HPD: variants seen among roughly 807,000 people sequenced by gnomAD.
The protein encoded by HPD is 4-hydroxyphenylpyruvic acid oxidase.
In HPD, 35 loss-of-function variants were observed where a neutral mutation model predicts 56.9. That is an observed-to-expected ratio of 0.62 (90% CI 0.47 to 0.82). The LOEUF (loss-of-function observed/expected upper bound fraction) is 0.82, where lower values mean the gene tolerates loss of function less well. Among genes scored for constraint, HPD ranks in the 40% least tolerant of loss-of-function variants. The pLI is 0.00. For missense variants in HPD, 442 were observed against 506.8 expected (o/e 0.87, Z 1.23); for synonymous variants, 186 against 200.2 (o/e 0.93, Z 0.60).
the HPD span, among the ~76,000 whole-genome samples, chr12:121,876,932 A>T: frequency 2.6e-5 from 4 of 151,802 alleles, no homozygotes; most frequent in Non-Finnish European, 5.9e-5. Flanking sequence ...CGTCTGTACT[A>T]AAAATACAAA....
Sources: allele counts gnomAD v4.1 joint callset (sites outside exome capture counted in the v4.1 genomes callset), GRCh38; gene constraint gnomAD v4.1.1; transcripts MANE v1.5; gene names NCBI Gene and HGNC (gene_info 2026-07-23, HGNC 2026-07-21).